Variants in CLPX observed in about 807,000 individuals in gnomAD.
CLPX encodes the protein caseinolytic mitochondrial matrix peptidase chaperone subunit X.
In CLPX, 34 loss-of-function variants were observed where a neutral mutation model predicts 76.4. The observed-to-expected ratio is 0.45, with a 90% CI of 0.34 to 0.59. The LOEUF is 0.59. Among genes scored for constraint, CLPX ranks in the 20% least tolerant of loss-of-function variants. The pLI is 0.01. For missense variants in CLPX, 613 were observed against 757.0 expected, an observed-to-expected ratio of 0.81 and a Z score of 2.23; for synonymous variants, 248 against 270.9, an observed-to-expected ratio of 0.92 and a Z score of 0.83.
chr15:65,179,528 C>T (rs913233207), intron 2 of CLPX, among the ~76,000 whole-genome samples: 1 of 152,096 alleles, frequency 6.6e-6, no homozygotes, highest in African/African-American at 2.4e-5. Context: ...ATAAAATTAA[C>T]TCAAGTGTTA....
intron 13 of CLPX, among the ~76,000 whole-genome samples, chr15:65,151,456 GAAAAAAAA>G (rs529752332): frequency 1.9e-4 from 14 of 74,594 alleles, no homozygotes; most frequent in African/African-American, 2.4e-4. Context: ...ATTACTGGGA[GAAAAAAAA>G]AAAAAAAAAA....
chr15:65,181,817 T>A (rs1446435314), intron 1 of CLPX, among the ~76,000 whole-genome samples: 6 of 148,794 alleles, frequency 4.0e-5, no homozygotes, highest in South Asian at 4.3e-4. Flanking sequence ...ATCCCAAAAG[T>A]AGGCTTAGAA....
chr15:65,180,217 G>C lies in CLPX; in HGVS notation c.80-13C>G. 3 of 1,563,698 alleles carry C rather than the reference G, an allele frequency of 1.9e-6. No homozygotes were observed. Among genetic ancestry groups the C allele is most frequent in the Non-Finnish European group, 2.6e-6 (3 of 1,152,772 alleles). On this transcript the variant is annotated splice_polypyrimidine_tract_variant and intron_variant, in intron 1 of 13. Coordinates refer to ENST00000300107, the MANE Select transcript of CLPX (RefSeq NM_006660.5). ...CCACCAGAAATACCTGAAAATAAAA[G>C]GAAATCTACATCAAATATAGACATG...
At chr15:65,169,214 A>T (rs1450785321) in intron 3 of CLPX, among the ~76,000 whole-genome samples, 1 of 151,718 alleles carries the variant, frequency 6.6e-6, no homozygotes, top group Non-Finnish European at 1.5e-5. Context: ...TCGGCCTCCC[A>T]AAGTGCTGGG....
chr15:65,163,052 C>G (rs1258957449), intron 5 of CLPX, among the ~76,000 whole-genome samples: 1 of 152,018 alleles, frequency 6.6e-6, no homozygotes, highest in Non-Finnish European at 1.5e-5. Flanking sequence ...ATGAAGATTT[C>G]AGGCCAGGCG....
chr15:65,176,720 T>G (rs1028575670), intron 3 of CLPX, among the ~76,000 whole-genome samples: 11 of 151,660 alleles, frequency 7.3e-5, no homozygotes, highest in Admixed American at 5.3e-4. Flanking sequence ...CTCGGCTTCC[T>G]GAGTAGTTGG....
rs539943210 is a variant in CLPX, at chr15:65,168,748, T to A, written c.359-1963A>T. Among the ~76,000 whole-genome samples the A allele has an allele frequency of 8.4e-4, 124 of 147,378 alleles. 1 individual carries two copies. The highest frequency in any genetic ancestry group is 2.9e-3 in the African/African-American group (118 of 40,240). On this transcript the variant is annotated intron_variant, in intron 3 of 13. Transcript: ENST00000300107. ...TGTACCCTAGAACTTAAAGTATAAT[T>A]AAAAAAAAAACTTTGCGGATACACA...
chr15:65,162,813 A>G (rs1201325628), intron 5 of CLPX, among the ~76,000 whole-genome samples, 168 bp from the exon 6 acceptor site: 2 of 152,210 alleles, frequency 1.3e-5, no homozygotes, highest in African/African-American at 4.8e-5. Context: ...AACCATGCAT[A>G]AAGACCGCTG....
chr15:65,166,508 A>G lies in CLPX; in HGVS notation c.513+123T>C, dbSNP rs889381190. On this transcript the variant is annotated intron_variant, in intron 4 of 13. Transcript: ENST00000300107. ...ATAACAATTTAGCCACATATGGTCC[A>G]TATTATGAACCTATAATACTTGTTT... 6.8e-6 allele frequency: 7 copies of G among 1,036,918 alleles called. No homozygotes were observed. The Admixed American group carries it at 1.2e-4, about 18-fold the overall frequency. The allele number at this position is 1,036,918 out of a possible 1,614,324, so 64.2% of individuals were successfully genotyped here.
chr15:65,177,027 T>C (rs948071631), intron 3 of CLPX, among the ~76,000 whole-genome samples: 2 of 152,136 alleles, frequency 1.3e-5, no homozygotes, highest in African/African-American at 4.8e-5. Context: ...ATAATTTTAT[T>C]ATATCACATC....
chr15:65,185,156 C>G lies in CLPX; in HGVS notation c.-3G>C. Reference sequence around the variant, plus strand: ...GTACAAGCACCGCAGCTGGGCATCTCCGCGAGGCCTAGGCCGGGGCTTCGC... The same window carrying G: ...GTACAAGCACCGCAGCTGGGCATCTGCGCGAGGCCTAGGCCGGGGCTTCGC... On this transcript the variant is annotated 5_prime_UTR_variant, in exon 1 of 14. Coordinates refer to ENST00000300107, the MANE Select transcript of CLPX (RefSeq NM_006660.5). 6.4e-7 allele frequency: 1 copy of G among 1,563,106 alleles called. No individual in the cohort carries two copies. Among genetic ancestry groups the G allele is most frequent in the Non-Finnish European group, 8.7e-7 (1 of 1,153,486 alleles).
Position 65,154,858 on chromosome 15 carries a change from T to G in CLPX, c.1535A>C (p.Lys512Thr), listed in dbSNP as rs775118209. ...VVVPLHSLDE[K>T]TLVQILTEPR... Reference sequence around the variant, plus strand: ...CTCAGTTAATATTTGTACAAGTGTTTTCTCATCTAGGCTATGCAATGGAAC... The same window carrying G: ...CTCAGTTAATATTTGTACAAGTGTTGTCTCATCTAGGCTATGCAATGGAAC... The change falls in exon 11 of 14, where the codon AAA becomes ACA. Residue 512 changes from lysine to threonine, a missense_variant. This residue lies in a region of CLPX where 450 missense variants were observed against 638.6 expected (regional missense o/e 0.70). Transcript: ENST00000300107. The G allele has an allele frequency of 3.7e-6, 6 of 1,614,156 alleles. No individual in the cohort carries two copies. The highest frequency in any genetic ancestry group is 5.1e-6 in the Non-Finnish European group (6 of 1,179,990).
At chr15:65,179,092 T>C (rs770172301) in intron 2 of CLPX, 41 bp from the exon 3 acceptor site, 3 of 1,264,920 alleles carry the variant, frequency 2.4e-6, no homozygotes, top group Non-Finnish European at 2.3e-6. Flanking sequence ...GTGTCAATTA[T>C]TAGTTTCAGG....
chr15:65,178,896 T>C, intron 3 of CLPX, 38 bp downstream of exon 3: 4 of 1,135,406 alleles, frequency 3.5e-6, no homozygotes, highest in Non-Finnish European at 3.9e-6. Flanking sequence ...TTACAGAAAA[T>C]GTAGGGAAAA....
At chr15:65,155,563 T>C in intron 10 of CLPX, 129 bp downstream of exon 10, 1 of 771,256 alleles carries the variant, frequency 1.3e-6, no homozygotes, top group Non-Finnish European at 2.1e-6. Flanking sequence ...ATATTTCTGA[T>C]ATGCTCTAAG....
At position 65,185,113 on chromosome 15, in the gene CLPX, A is replaced by T. The variant is rs150007907; in HGVS notation, c.41T>A (p.Val14Asp). 3.2e-6 allele frequency: 5 copies of T among 1,581,962 alleles called. No individual in the cohort carries two copies. The highest frequency in any genetic ancestry group is 1.3e-5 in the African/African-American group (1 of 74,206). Residue 14 changes from valine (V) to aspartate (D), a missense_variant, in exon 1 of 14, where the codon GTC (valine) becomes GAC (aspartate). This residue lies in a region of CLPX where 163 missense variants were observed against 118.4 expected (regional missense o/e 1.38). Transcript: ENST00000300107. ...CGACTCGAAA[V>D]RLITSSLASA... ...GGCGAGTGAGGAGGTGATGAGCCGGACGGCCGCCGCGCCGCAAGTACAAGC... is the reference window on the plus strand; with the variant it reads ...GGCGAGTGAGGAGGTGATGAGCCGGTCGGCCGCCGCGCCGCAAGTACAAGC...
chr15:65,155,207 T>C, intron 10 of CLPX, 126 bp from the exon 11 acceptor site: 2 of 898,434 alleles, frequency 2.2e-6, no homozygotes, highest in Non-Finnish European at 3.3e-6. Context: ...ATCATTTACA[T>C]TTTACAAAGG....
intron 3 of CLPX, among the ~76,000 whole-genome samples, chr15:65,171,843 T>C (rs768683666): frequency 2.6e-5 from 4 of 152,242 alleles, no homozygotes; most frequent in Non-Finnish European, 5.9e-5. Context: ...TCTTTGCTTA[T>C]TGTTGAAAGG....
At chr15:65,169,942 G>A (rs2087976510) in intron 3 of CLPX, among the ~76,000 whole-genome samples, 1 of 151,856 alleles carries the variant, frequency 6.6e-6, no homozygotes, top group Non-Finnish European at 1.5e-5. Context: ...GTATTTTTTA[G>A]TAGAGATGGG....
Sources: gnomAD v4.1 joint callset for allele counts (sites outside exome capture counted in the v4.1 genomes callset) on GRCh38, gnomAD v4.1.1 for gene constraint, gnomAD v4.1.1 regional missense constraint, MANE v1.5 for transcripts, NCBI Gene and HGNC (gene_info 2026-07-23, HGNC 2026-07-21) for gene names.